PACC1: variants seen among roughly 807,000 people sequenced by gnomAD.
PACC1 encodes the protein proton activated chloride channel 1.
In PACC1, 34 loss-of-function variants were observed where a neutral mutation model predicts 39.7. That is an observed-to-expected ratio of 0.86 (90% CI 0.65 to 1.14). The LOEUF (loss-of-function observed/expected upper bound fraction) is 1.14. Among genes scored for constraint, PACC1 ranks in the 50% most tolerant of loss-of-function variants. The probability of loss-of-function intolerance (pLI) is 0.00; values close to 1 mark genes in which losing one functional copy is unlikely to be tolerated. For missense variants in PACC1, 379 were observed against 436.4 expected (o/e 0.87, Z 1.17); for synonymous variants, 127 against 160.6 (o/e 0.79, Z 1.58).
At chr1:212,387,145 G>A (rs763884122) in intron 2 of PACC1, 45 bp from the exon 3 acceptor site, 1 of 1,599,728 alleles carries the variant, frequency 6.3e-7, no homozygotes, top group Admixed American at 1.7e-5. Flanking sequence ...CAGGGACAAG[G>A]TACAGACAGA....
At chr1:212,384,813 C>T (rs556758542) in intron 4 of PACC1, among the ~76,000 whole-genome samples, 2 of 152,224 alleles carry the variant, frequency 1.3e-5, no homozygotes, top group South Asian at 2.1e-4. Flanking sequence ...CCCAGACCGA[C>T]GCTCCTTTAC....
intron 1 of PACC1, among the ~76,000 whole-genome samples, chr1:212,413,702 G>A (rs1662218548): frequency 6.6e-6 from 1 of 152,212 alleles, no homozygotes; most frequent in Non-Finnish European, 1.5e-5. Context: ...AGCTTTGGGA[G>A]CCTGCTGAGA....
Position 212,380,020 on chromosome 1 carries a change from G to GAC in PACC1, c.511_512dup (p.Gln172SerfsTer7), listed in dbSNP as rs1459774465. On this transcript the variant is annotated frameshift_variant, in exon 5 of 8. Coordinates refer to ENST00000261455, the MANE Select transcript of PACC1 (RefSeq NM_018252.3). LOFTEE classifies it high-confidence loss of function. ...GCTTTTTCACTTCCCGGGGCCCCTGGACAATCAGGGCAGATTTCTGCAGAG... is the reference window on the plus strand; with the variant it reads ...GCTTTTTCACTTCCCGGGGCCCCTGGACACAATCAGGGCAGATTTCTGCAGAG... 3 of 1,614,012 alleles carry GAC rather than the reference G, an allele frequency of 1.9e-6. No individual in the cohort carries two copies. The highest frequency in any genetic ancestry group is 2.7e-5 in the African/African-American group (2 of 74,906).
chr1:212,375,948 A>G (rs1396356015), intron 6 of PACC1, among the ~76,000 whole-genome samples: 3 of 152,224 alleles, frequency 2.0e-5, no homozygotes, highest in African/African-American at 4.8e-5. Flanking sequence ...CACAATTAAA[A>G]GCAATAAAAA....
chr1:212,378,965 T>C (rs921610569), intron 5 of PACC1, among the ~76,000 whole-genome samples: 1 of 151,818 alleles, frequency 6.6e-6, no homozygotes, highest in Admixed American at 6.6e-5. Context: ...TTTTTTTTTT[T>C]TGGAGTCTCG....
chr1:212,375,202 T>C lies in PACC1; in HGVS notation c.882A>G (p.Lys294=), dbSNP rs534010585. Residue 294 remains lysine, a synonymous_variant, in exon 7 of 8, where the codon AAA becomes AAG. Coordinates refer to ENST00000261455, the MANE Select transcript of PACC1 (RefSeq NM_018252.3). The stretch of plus-strand genomic sequence containing the variant: ...AATCTTAAATACTCACATCTTGGAC[T>C]TTCTGGATGAAAGGATCTTTCCATT... ...VFEWKDPFIQ[K]VQDIVTANPW... 1.2e-6 allele frequency: 2 copies of C among 1,613,040 alleles called. No individual in the cohort carries two copies. The highest frequency in any genetic ancestry group is 1.7e-5 in the Admixed American group (1 of 60,026).
intron 2 of PACC1, among the ~76,000 whole-genome samples, chr1:212,398,270 T>C (rs1354141414): frequency 6.6e-6 from 1 of 152,238 alleles, no homozygotes; most frequent in East Asian, 1.9e-4. Context: ...ATATAGTATC[T>C]TTCACATAGT....
intron 7 of PACC1, 83 bp from the exon 8 acceptor site, chr1:212,365,459 T>G: frequency 5.1e-6 from 7 of 1,378,216 alleles, no homozygotes; most frequent in African/African-American, 1.5e-5. Context: ...GAGATGGAGT[T>G]TCGCTCTTGT....
chr1:212,390,095 G>C (rs573371429), intron 2 of PACC1, among the ~76,000 whole-genome samples: 1 of 152,148 alleles, frequency 6.6e-6, no homozygotes, highest in South Asian at 2.1e-4. Context: ...TAGCAGTGTA[G>C]TGACATGTAA....
chr1:212,408,889 C>T (rs1293251049), intron 2 of PACC1, among the ~76,000 whole-genome samples: 2 of 152,208 alleles, frequency 1.3e-5, no homozygotes, highest in Non-Finnish European at 2.9e-5. Context: ...GTCCCCAACC[C>T]CCAGGCCACA....
chr1:212,391,163 C>G (rs1418526941), intron 2 of PACC1, among the ~76,000 whole-genome samples: 1 of 152,196 alleles, frequency 6.6e-6, no homozygotes, highest in Non-Finnish European at 1.5e-5. Flanking sequence ...TCCCTGAACC[C>G]TGAGTAGCCT....
chr1:212,401,808 G>C (rs868642505), intron 2 of PACC1, among the ~76,000 whole-genome samples: 33 of 151,244 alleles, frequency 2.2e-4, no homozygotes, highest in Admixed American at 5.3e-4. Context: ...CAAGTAACTG[G>C]GATTACAGGT....
chr1:212,372,306 A>C (rs1365732326), intron 7 of PACC1, among the ~76,000 whole-genome samples: 3 of 151,748 alleles, frequency 2.0e-5, no homozygotes, highest in Non-Finnish European at 2.9e-5. Flanking sequence ...AAAAAACAAA[A>C]AACAAAAAAA....
intron 2 of PACC1, among the ~76,000 whole-genome samples, chr1:212,398,526 G>A (rs1661600624): frequency 6.6e-6 from 1 of 152,224 alleles, no homozygotes; most frequent in South Asian, 2.1e-4. Context: ...ACAGGTTACT[G>A]TGGGCAGTGG....
chr1:212,399,184 C>T (rs1469404227), intron 2 of PACC1, among the ~76,000 whole-genome samples: 1 of 152,236 alleles, frequency 6.6e-6, no homozygotes, highest in African/African-American at 2.4e-5. Flanking sequence ...ACTGAAGGAA[C>T]TCTGAAGTGA....
At chr1:212,370,241 C>T (rs1402771300) in intron 7 of PACC1, among the ~76,000 whole-genome samples, 2 of 152,168 alleles carry the variant, frequency 1.3e-5, no homozygotes, top group South Asian at 4.1e-4. Flanking sequence ...TCAAGGTGGG[C>T]AGATCAGGAG....
chr1:212,394,801 CAG>C (rs1452266801), intron 2 of PACC1, among the ~76,000 whole-genome samples: 1 of 152,124 alleles, frequency 6.6e-6, no homozygotes, highest in Non-Finnish European at 1.5e-5. Flanking sequence ...AACAGACAAA[CAG>C]AGAGCCAAAT....
chr1:212,383,086 T>C lies in PACC1; in HGVS notation c.495+2188A>G, dbSNP rs191405315. Among the ~76,000 whole-genome samples, 32 of 152,302 alleles carry C rather than the reference T, an allele frequency of 2.1e-4. No homozygotes were observed. In the East Asian group the frequency reaches 5.0e-3, roughly 24 times the overall value. ...TGGTTTGGGTAGGAAACTTGGTGGA[T>C]AGGGAGGAGATAACTTCTCTGTTAG... On this transcript the variant is annotated intron_variant, in intron 4 of 7. Transcript: ENST00000261455.
chr1:212,379,646 C>T (rs1056485826), intron 5 of PACC1, among the ~76,000 whole-genome samples: 1 of 152,222 alleles, frequency 6.6e-6, no homozygotes, highest in Admixed American at 6.5e-5. Context: ...CAAATGATCT[C>T]TCTAGAACCA....
Sources: allele counts gnomAD v4.1 joint callset (sites outside exome capture counted in the v4.1 genomes callset), GRCh38; gene constraint gnomAD v4.1.1; transcripts MANE v1.5; gene names NCBI Gene and HGNC (gene_info 2026-07-23, HGNC 2026-07-21).